The following SFXN5 variants were observed in gnomAD, a reference collection of about 807,000 sequenced individuals.
SFXN5 encodes the protein sideroflexin 5.
In SFXN5, 43 loss-of-function variants were observed where a neutral mutation model predicts 50.2. The ratio of observed to expected loss-of-function variants is 0.86; its 90% CI spans 0.67 to 1.11. The LOEUF (loss-of-function observed/expected upper bound fraction) is 1.11, where lower values mean the gene tolerates loss of function less well. SFXN5 is among the 50% of genes least tolerant of loss of function. The pLI is 0.00. For synonymous variants in SFXN5, 203 were observed against 185.8 expected (o/e 1.09, Z -0.75); for missense variants, 463 against 454.1 (o/e 1.02, Z -0.18).
chr2:73,069,881 G>A (rs1408265810), intron 1 of SFXN5, among the ~76,000 whole-genome samples: 5 of 152,084 alleles, frequency 3.3e-5, no homozygotes, highest in Non-Finnish European at 7.4e-5. Context: ...TGCCTAACCT[G>A]TCTCCATCAG....
Position 72,988,283 on chromosome 2 carries a change from C to T in SFXN5, c.600G>A (p.Gln200=), listed in dbSNP as rs1304090195. 6.2e-7 allele frequency: 1 copy of T among 1,613,852 alleles called. No homozygotes were observed. Among genetic ancestry groups the T allele is most frequent in the Non-Finnish European group, 8.5e-7 (1 of 1,179,846 alleles). ...KFTPATRLLI[Q]RFVPFPAVAS... is the part of the protein sequence containing the mutation. ...CTACAGCAGGGAACGGCACAAACCT[C>T]TGGATGAGAAGGCGGGTGGCTGGGG... Residue 200 remains glutamine, a synonymous_variant, in exon 10 of 14, where the codon CAG becomes CAA. Transcript: ENST00000272433.
At position 72,955,680 on chromosome 2, in the gene SFXN5, C is replaced by T. The variant is rs1034953051; in HGVS notation, c.945+5451G>A. Among the ~76,000 whole-genome samples, 5 of 152,262 alleles carry T rather than the reference C, an allele frequency of 3.3e-5. No homozygotes were observed. The South Asian group carries it at 6.2e-4, about 19-fold the overall frequency. The stretch of plus-strand genomic sequence containing the variant: ...AGAGTTAGAGGGACATTTGCCACCA[C>T]CCACTACAGCCTCTTGTGGTAGCCA... On this transcript the variant is annotated intron_variant, in intron 13 of 13. Coordinates refer to ENST00000272433, the MANE Select transcript of SFXN5 (RefSeq NM_144579.3).
chr2:73,062,890 G>C (rs1353166718), intron 1 of SFXN5, among the ~76,000 whole-genome samples: 1 of 152,150 alleles, frequency 6.6e-6, no homozygotes. Context: ...GAGGATGAAA[G>C]CATAAAGCTT....
chr2:72,991,564 A>C (rs149243701), intron 9 of SFXN5, among the ~76,000 whole-genome samples: 112 of 152,350 alleles, frequency 7.4e-4, no homozygotes, highest in African/African-American at 2.6e-3. Context: ...ACCCCTTCCC[A>C]GGCCCCAGCC....
At chr2:72,999,186 C>T (rs1203598329) in intron 8 of SFXN5, among the ~76,000 whole-genome samples, 172 bp from the exon 9 acceptor site, 1 of 152,164 alleles carries the variant, frequency 6.6e-6, no homozygotes, top group Admixed American at 6.5e-5. Context: ...GCTCAGTTCC[C>T]AATGCAGAAA....
At chr2:73,012,645 A>AAAC (rs1319996559) in intron 6 of SFXN5, among the ~76,000 whole-genome samples, 53 of 135,042 alleles carry the variant, frequency 3.9e-4, no homozygotes, top group Non-Finnish European at 7.0e-4. Flanking sequence ...TATTCTAGCC[A>AAAC]AACAACACAC....
At chr2:72,997,982 C>T (rs1673447425) in intron 9 of SFXN5, 1 of 152,240 alleles carries the variant, frequency 6.6e-6, no homozygotes, top group African/African-American at 2.4e-5. Context: ...CTACAGACTC[C>T]AACACCTGGG....
intron 3 of SFXN5, among the ~76,000 whole-genome samples, chr2:73,040,650 C>T (rs761695475): frequency 1.3e-5 from 2 of 152,212 alleles, no homozygotes; most frequent in Non-Finnish European, 2.9e-5. Flanking sequence ...CCACCCTAGC[C>T]TTATCAGCCT....
intron 2 of SFXN5, among the ~76,000 whole-genome samples, chr2:73,050,424 C>T (rs1400075101): frequency 2.0e-5 from 2 of 102,056 alleles, no homozygotes; most frequent in Non-Finnish European, 3.6e-5. Flanking sequence ...ACACACACCC[C>T]TGCAGAGTTA....
In SFXN5 at chr2:72,961,420, G is replaced by A. The variant is rs955218164; in HGVS notation, c.828-172C>T. On this transcript the variant is annotated intron_variant, in intron 12 of 13. Coordinates refer to ENST00000272433, the MANE Select transcript of SFXN5 (RefSeq NM_144579.3). This position sits in a 1 kb window ranked among gnomAD's most constrained non-coding sequence, Gnocchi z 4.4. ...AGTTCTGTCTTTGGGACCTTTTCCC[G>A]ATAGGTACCCCTATCCCAGCGGGTA... Among the ~76,000 whole-genome samples the A allele has an allele frequency of 1.3e-5, 2 of 152,210 alleles. No homozygotes were observed. Among genetic ancestry groups the A allele is most frequent in the Non-Finnish European group, 2.9e-5 (2 of 68,042 alleles).
rs573063606 is a variant in SFXN5, at chr2:73,058,481, C to G, written c.171+47G>C. The G allele has an allele frequency of 1.6e-5, 25 of 1,560,402 alleles. No homozygotes were observed. The South Asian group carries it at 2.7e-4, about 17-fold the overall frequency. ...TAATGACCCACATATTCTGAAATGA[C>G]AAGGTACAAAGGCCCAAGGGCCACT... On this transcript the variant is annotated intron_variant, in intron 2 of 13. Coordinates refer to ENST00000272433, the MANE Select transcript of SFXN5 (RefSeq NM_144579.3).
intron 6 of SFXN5, among the ~76,000 whole-genome samples, chr2:73,018,035 C>G (rs994158877): frequency 4.6e-5 from 7 of 152,022 alleles, no homozygotes; most frequent in African/African-American, 1.7e-4. Context: ...GAGACTCTAT[C>G]TCTATAAAAA....
chr2:73,071,684 C>G lies in SFXN5; in HGVS notation c.22G>C (p.Ala8Pro). The G allele has an allele frequency of 6.2e-7, 1 of 1,613,020 alleles. No individual in the cohort carries two copies. Among genetic ancestry groups the G allele is most frequent in the South Asian group, 1.1e-5 (1 of 91,054 alleles). Residue 8 changes from alanine (A) to proline (P), a missense_variant, in exon 1 of 14, where the codon GCA (alanine) becomes CCA (proline). Transcript: ENST00000272433. Reference sequence around the variant, plus strand: ...GCGGCACTAGCCGCCGCCGCCGATGCTGTAGTCGCTGTATCCGCCATGGCC... The same window carrying G: ...GCGGCACTAGCCGCCGCCGCCGATGGTGTAGTCGCTGTATCCGCCATGGCC... MADTATT[A>P]SAAAASAASA...
chr2:73,013,441 GTGTT>G (rs1259302426), intron 6 of SFXN5, among the ~76,000 whole-genome samples: 4 of 151,286 alleles, frequency 2.6e-5, no homozygotes, highest in South Asian at 2.1e-4. Flanking sequence ...GTGTGTGTGT[GTGTT>G]TGAGAGATAG....
intron 3 of SFXN5, among the ~76,000 whole-genome samples, chr2:73,029,616 T>A (rs1245770958): frequency 6.6e-6 from 1 of 152,218 alleles, no homozygotes; most frequent in Admixed American, 6.5e-5. Flanking sequence ...CCTCCTCACC[T>A]AGGTCTCCCC....
chr2:73,029,951 A>G (rs1453192197), intron 3 of SFXN5, among the ~76,000 whole-genome samples: 1 of 152,114 alleles, frequency 6.6e-6, no homozygotes, highest in Non-Finnish European at 1.5e-5. Flanking sequence ...GCACACCTGT[A>G]GTCCCAGCTA....
chr2:72,995,606 C>A (rs879075618), intron 9 of SFXN5, among the ~76,000 whole-genome samples: 3 of 152,080 alleles, frequency 2.0e-5, no homozygotes, highest in Admixed American at 6.5e-5. Context: ...CCCATCCATG[C>A]CGCCTGCTTG....
intron 2 of SFXN5, among the ~76,000 whole-genome samples, chr2:73,050,388 G>GCGCGCGCACACACACACACACA: frequency 6.1e-4 from 88 of 143,906 alleles, no homozygotes; most frequent in East Asian, 3.4e-3. Flanking sequence ...CAGCCACAGC[G>GCGCGCGCACACACACACACACA]CACGCACACA....
At chr2:72,964,841 G>A (rs930712929) in intron 12 of SFXN5, among the ~76,000 whole-genome samples, 1 of 152,188 alleles carries the variant, frequency 6.6e-6, no homozygotes, top group South Asian at 2.1e-4. Flanking sequence ...TGAGATGTGA[G>A]AGTATGTGGC....
Sources: allele counts gnomAD v4.1 joint callset (sites outside exome capture counted in the v4.1 genomes callset), GRCh38; gene constraint gnomAD v4.1.1; non-coding constraint Gnocchi (gnomAD v3.1); transcripts MANE v1.5; gene names NCBI Gene and HGNC (gene_info 2026-07-23, HGNC 2026-07-21).